ZNF493: variants seen among roughly 807,000 people sequenced by gnomAD.
ZNF493 encodes zinc finger protein 493.
Under a neutral mutation model 12.2 loss-of-function variants are expected in ZNF493, and 11 were observed. That is an observed-to-expected ratio of 0.90 (90% CI 0.57 to 1.50). The LOEUF (loss-of-function observed/expected upper bound fraction) is 1.50, where lower values mean the gene tolerates loss of function less well. ZNF493 is among the 40% of genes most tolerant of loss of function. The probability of loss-of-function intolerance (pLI) is 0.00; values close to 1 mark genes in which losing one functional copy is unlikely to be tolerated. For synonymous variants in ZNF493, 286 were observed against 302.6 expected, an observed-to-expected ratio of 0.95 and a Z score of 0.57; for missense variants, 950 against 906.6, an observed-to-expected ratio of 1.05 and a Z score of -0.61.
At chr19:21,401,493 T>A (rs2145263047) in intron 1 of ZNF493, among the ~76,000 whole-genome samples, 1 of 152,238 alleles carries the variant, frequency 6.6e-6, no homozygotes, top group East Asian at 1.9e-4. Flanking sequence ...GAAGTCCCTT[T>A]TTCTCAGTAT....
intron 3 of ZNF493, chr19:21,413,932 C>T (rs1370062973): frequency 1.3e-5 from 2 of 154,662 alleles, no homozygotes; most frequent in East Asian, 3.8e-4. Flanking sequence ...TCTCCTTCTG[C>T]AACTGCTGTT....
At chr19:21,414,142 C>T (rs2030411511) in intron 3 of ZNF493, 1 of 152,188 alleles carries the variant, frequency 6.6e-6, no homozygotes, top group African/African-American at 2.4e-5. Flanking sequence ...CTAACACAGG[C>T]AGAAGACTCT....
intron 3 of ZNF493, among the ~76,000 whole-genome samples, chr19:21,416,864 G>C (rs1369548178): frequency 6.6e-6 from 1 of 152,148 alleles, no homozygotes; most frequent in Admixed American, 6.5e-5. Context: ...ACTTAAACTA[G>C]AACTTCCTAG....
intron 1 of ZNF493, among the ~76,000 whole-genome samples, chr19:21,401,614 T>G (rs1313870296): frequency 6.6e-6 from 1 of 151,734 alleles, no homozygotes; most frequent in Non-Finnish European, 1.5e-5. Context: ...GGCTATTTAT[T>G]TATTTATTTA....
Position 21,419,223 on chromosome 19 carries a change from G to C in ZNF493, c.254-3690G>C, listed in dbSNP as rs184844068. Among the ~76,000 whole-genome samples, 662 of 152,162 alleles carry C rather than the reference G, an allele frequency of 4.4e-3. 2 individuals are homozygous for C. The highest frequency in any genetic ancestry group is 6.3e-3 in the Non-Finnish European group (428 of 67,996). On this transcript the variant is annotated intron_variant, in intron 3 of 3. Transcript: ENST00000392288. ...AACTTGTGGATTCTGTGTTGACTCT[G>C]GGTGGTGTCAGAATTGAGTTGTTGG...
chr19:21,405,476 C>T, intron 2 of ZNF493: 3 of 1,366,150 alleles, frequency 2.2e-6, no homozygotes, highest in Non-Finnish European at 2.8e-6. Context: ...ATCCTTCACT[C>T]TACAGTAGTG....
rs767769743 is a variant in ZNF493 at position 21,423,398 on chromosome 19, A to G, written c.739A>G (p.Asn247Asp). The G allele has an allele frequency of 6.2e-7, 1 of 1,613,650 alleles. No homozygotes were observed. Among genetic ancestry groups the G allele is most frequent in the Admixed American group, 1.7e-5 (1 of 59,966 alleles). The change falls in exon 4 of 4, where the codon AAC becomes GAC. Residue 247 changes from asparagine (N) to aspartate (D), a missense_variant. Physicochemically the swap from Asn to Asp is conservative, Grantham distance 23 (BLOSUM62 1). Coordinates refer to ENST00000392288, the MANE Select transcript of ZNF493 (RefSeq NM_001076678.3). The part of the protein sequence containing the change: ...SYKYECGKSF[N>D]QDSNLTTHKR... ...CAAATATGAATGTGGCAAATCTTTT[A>G]ACCAGGACTCAAACCTTACTACACA...
At position 21,424,191 on chromosome 19, in the gene ZNF493, A is replaced by G; in HGVS notation, c.1532A>G (p.His511Arg). The stretch of plus-strand genomic sequence containing the variant: ...ACCCTTAGTATACATAAAATAATTC[A>G]TACTGGAGAAAAACCCTACAAATGT... Reference protein sequence around the residue: ...SSTLSIHKIIHTGEKPYKCEE... With the variant: ...SSTLSIHKIIRTGEKPYKCEE... The change falls in exon 4 of 4, where the codon CAT (histidine) becomes CGT (arginine). Residue 511 changes from histidine to arginine, a missense_variant. Physicochemically the swap from His to Arg is conservative, Grantham distance 29. Coordinates refer to ENST00000392288, the MANE Select transcript of ZNF493 (RefSeq NM_001076678.3). 1 of 1,613,628 alleles carries G rather than the reference A, an allele frequency of 6.2e-7. No homozygotes were observed. Among genetic ancestry groups the G allele is most frequent in the Non-Finnish European group, 8.5e-7 (1 of 1,179,782 alleles).
In ZNF493 at chr19:21,426,803, T is replaced by A. The variant is rs1166044400; in HGVS notation, c.*1819T>A. Reference sequence around the variant, plus strand: ...AATACCAGAATTTATAGTAGAAATATATGAGGAAGCGACACTTCGAATATT... The same window carrying A: ...AATACCAGAATTTATAGTAGAAATAAATGAGGAAGCGACACTTCGAATATT... On this transcript the variant is annotated 3_prime_UTR_variant, in exon 4 of 4. Transcript: ENST00000392288. 1 of 167,068 alleles carries A rather than the reference T, an allele frequency of 6.0e-6. No homozygotes were observed. The highest frequency in any genetic ancestry group is 1.9e-4 in the East Asian group (1 of 5,212). 10.3% of individuals were successfully genotyped at this position (167,068 alleles called of 1,614,324 possible). A position where few individuals can be genotyped will look rare whatever the true frequency, so the allele number is the denominator to read the frequency against.
chr19:21,418,721 T>G (rs1460638566), intron 3 of ZNF493, among the ~76,000 whole-genome samples: 4 of 152,212 alleles, frequency 2.6e-5, no homozygotes, highest in East Asian at 1.9e-4. Context: ...TTTCTAGAGA[T>G]ATTAGATTAA....
intron 2 of ZNF493, 158 bp downstream of exon 2, chr19:21,405,413 C>G (rs2030089820): frequency 6.9e-7 from 1 of 1,446,160 alleles, no homozygotes; most frequent in Non-Finnish European, 9.1e-7. Context: ...AAAAAAATTT[C>G]TTCAGGATGT....
At position 21,397,232 on chromosome 19, in the gene ZNF493, G is replaced by T; in HGVS notation, c.-6G>T. On this transcript the variant is annotated 5_prime_UTR_variant, in exon 1 of 4. Coordinates refer to ENST00000392288, the MANE Select transcript of ZNF493 (RefSeq NM_001076678.3). ...ACCTGAAGATACTGGGAAATCCATA[G>T]CTAAGATGCCAGGACCCCCTGAAAG... is the stretch of plus-strand genomic sequence containing the variant. The T allele has an allele frequency of 6.2e-7, 1 of 1,614,222 alleles. No homozygotes were observed. The highest frequency in any genetic ancestry group is 8.5e-7 in the Non-Finnish European group (1 of 1,180,038).
intron 1 of ZNF493, among the ~76,000 whole-genome samples, chr19:21,401,996 C>T (rs1341748282): frequency 1.3e-5 from 2 of 151,636 alleles, no homozygotes; most frequent in Non-Finnish European, 2.9e-5. Flanking sequence ...GAGATGGAGT[C>T]TCGCTCTGTC....
Position 21,424,291 on chromosome 19 carries a change from C to G in ZNF493, c.1632C>G (p.Pro544=). 1 of 1,613,558 alleles carries G rather than the reference C, an allele frequency of 6.2e-7. No homozygotes were observed. Among genetic ancestry groups the G allele is most frequent in the African/African-American group, 1.3e-5 (1 of 74,984 alleles). ...AAATGATTCACACTGGAGAAAAACC[C>G]TACAAATGTGAAGAATGTGGCAAAG... ...IHKMIHTGEK[P]YKCEECGKAF... is the part of the protein sequence containing the mutation. The change falls in exon 4 of 4, where the codon CCC becomes CCG. Residue 544 remains proline (P), a synonymous_variant. Transcript: ENST00000392288.
At chr19:21,409,090 TAGCC>T (rs2030237654) in intron 3 of ZNF493, among the ~76,000 whole-genome samples, 1 of 151,890 alleles carries the variant, frequency 6.6e-6, no homozygotes, top group Non-Finnish European at 1.5e-5. Context: ...TTCACCATAT[TAGCC>T]AGGATGGTCT....
intron 3 of ZNF493, among the ~76,000 whole-genome samples, chr19:21,422,090 C>T (rs541536453): frequency 8.5e-5 from 13 of 152,258 alleles, no homozygotes; most frequent in South Asian, 4.1e-4. Flanking sequence ...GTGATCCACC[C>T]GCCTAGGCCT....
intron 3 of ZNF493, among the ~76,000 whole-genome samples, chr19:21,419,487 G>T (rs767432960): frequency 6.6e-6 from 1 of 152,136 alleles, no homozygotes; most frequent in Non-Finnish European, 1.5e-5. Flanking sequence ...CAAAACTGAA[G>T]AACTTGGAGT....
intron 3 of ZNF493, among the ~76,000 whole-genome samples, chr19:21,406,846 A>G (rs2030147536): frequency 1.3e-5 from 2 of 151,936 alleles, no homozygotes; most frequent in Non-Finnish European, 2.9e-5. Context: ...TGGAATTTTG[A>G]TAGGTCGTTT....
chr19:21,412,779 T>C (rs2030365467), intron 3 of ZNF493: 4 of 264,984 alleles, frequency 1.5e-5, no homozygotes, highest in South Asian at 1.4e-4. Context: ...GCTTTAAATA[T>C]TTTAATTTTG....
Sources: allele counts gnomAD v4.1 joint callset (sites outside exome capture counted in the v4.1 genomes callset), GRCh38; gene constraint gnomAD v4.1.1; transcripts MANE v1.5; gene names NCBI Gene and HGNC (gene_info 2026-07-23, HGNC 2026-07-21).